Variants in DNAH17 observed in about 807,000 individuals in gnomAD.
DNAH17 encodes the protein axonemal beta dynein heavy chain 17.
DNAH17 carries 376 observed loss-of-function variants against 485.6 expected under a neutral mutation model. The observed-to-expected ratio is 0.77, with a 90% confidence interval of 0.71 to 0.84. The LOEUF is 0.84. DNAH17 is among the 40% of genes least tolerant of loss of function. The pLI, the probability that DNAH17 is intolerant of heterozygous loss-of-function variation, is 0.00. For missense variants in DNAH17, 6,370 were observed against 5,839.3 expected (o/e 1.09, Z -2.96); for synonymous variants, 3,031 against 2,405.9 (o/e 1.26, Z -7.60).
chr17:78,461,071 C>A (rs556970243), intron 58 of DNAH17, among the ~76,000 whole-genome samples: 1 of 151,978 alleles, frequency 6.6e-6, no homozygotes, highest in East Asian at 1.9e-4. Flanking sequence ...CCTCAGCCAC[C>A]CCCAACCAGC....
chr17:78,529,533 G>A lies in DNAH17; in HGVS notation c.3446C>T (p.Thr1149Ile). Residue 1149 changes from threonine to isoleucine, a missense_variant, in exon 22 of 81, where the codon ACC becomes ATC. Physicochemically the swap from Thr to Ile is moderately conservative, Grantham distance 89. Coordinates refer to ENST00000389840, the MANE Select transcript of DNAH17 (RefSeq NM_173628.4). ...TDNMFEPLKQ[T>I]IELLKTYGEE... ...CCCGTAGGTCTTGAGCAGCTCGATGGTTTGCTTCAGGGGCTCAAACATGTT... is the reference window on the plus strand; with the variant it reads ...CCCGTAGGTCTTGAGCAGCTCGATGATTTGCTTCAGGGGCTCAAACATGTT... The A allele has an allele frequency of 1.2e-6, 2 of 1,613,900 alleles. No homozygotes were observed. The highest frequency in any genetic ancestry group is 1.7e-6 in the Non-Finnish European group (2 of 1,179,870).
chr17:78,544,165 C>T, intron 16 of DNAH17, among the ~76,000 whole-genome samples, 168 bp from the exon 17 acceptor site: 1 of 152,212 alleles, frequency 6.6e-6, no homozygotes, highest in Non-Finnish European at 1.5e-5. Flanking sequence ...GGACCTGTGC[C>T]TAATTGACTG....
intron 60 of DNAH17, 137 bp from the exon 61 acceptor site, chr17:78,459,345 C>G: frequency 2.4e-6 from 2 of 821,850 alleles, no homozygotes; most frequent in South Asian, 3.0e-5. Context: ...CAGGCTGGCC[C>G]TAGAGGCCAC....
At chr17:78,432,191 TAAATAAATAAATA>T (rs2086698459) in intron 75 of DNAH17, among the ~76,000 whole-genome samples, 1 of 147,186 alleles carries the variant, frequency 6.8e-6, no homozygotes, top group Non-Finnish European at 1.5e-5. Context: ...AATAAATAAA[TAAATAAATAAATA>T]AAATAAATAA....
At chr17:78,503,466 T>TGA (rs1207694239) in intron 31 of DNAH17, among the ~76,000 whole-genome samples, 1 of 151,302 alleles carries the variant, frequency 6.6e-6, no homozygotes, top group African/African-American at 2.4e-5. Context: ...ATTACAGGCA[T>TGA]GAGCCACCAC....
rs762230436 is a variant in DNAH17 at position 78,453,309 on chromosome 17, CCTGGCTCAAGCCACG to C, written c.10529+19_10529+33del. The C allele has an allele frequency of 3.7e-6, 6 of 1,607,894 alleles. No individual in the cohort carries two copies. In the South Asian group the frequency reaches 6.7e-5, roughly 18 times the overall value. On this transcript the variant is annotated intron_variant, in intron 65 of 80. Transcript: ENST00000389840. The stretch of plus-strand genomic sequence containing the variant: ...CAGGCCTCGGGCCTGAAGATGTTTA[CCTGGCTCAAGCCACG>C]GAGGCGGAAACAACTCACTTTCCCT...
Position 78,443,311 on chromosome 17 carries a change from C to A in DNAH17, c.11528+1293G>T, listed in dbSNP as rs544437660. On this transcript the variant is annotated intron_variant, in intron 71 of 80. Transcript: ENST00000389840. ...TGATCCCGCTGCGATGGCCGAGGGA[C>A]CTTTACCTTGGCCTTTCCCAAACCC... is the stretch of plus-strand genomic sequence containing the variant. Among the ~76,000 whole-genome samples, 15 of 152,314 alleles carry A rather than the reference C, an allele frequency of 9.8e-5. No individual in the cohort carries two copies. In the East Asian group the frequency reaches 2.7e-3, roughly 27 times the overall value.
At chr17:78,428,923 TTAAAAAAA>T (rs1314427656) in intron 76 of DNAH17, among the ~76,000 whole-genome samples, 190 bp downstream of exon 76, 7 of 79,150 alleles carry the variant, frequency 8.8e-5, no homozygotes, top group African/African-American at 3.0e-4. Flanking sequence ...ATTTCTTTCT[TTAAAAAAA>T]AAAAAAAAAA....
intron 74 of DNAH17, among the ~76,000 whole-genome samples, chr17:78,436,528 G>A (rs762115337): frequency 6.6e-6 from 1 of 152,098 alleles, no homozygotes; most frequent in Non-Finnish European, 1.5e-5. Flanking sequence ...ATGCTGAGGT[G>A]CCAAAAGGAG....
chr17:78,507,225 C>T (rs2090509476), intron 29 of DNAH17, 53 bp downstream of exon 29: 5 of 1,598,278 alleles, frequency 3.1e-6, no homozygotes, highest in Non-Finnish European at 4.3e-6. Context: ...AGACTTAAGA[C>T]TTAGGGAATC....
At chr17:78,510,979 G>A (rs1356347731) in intron 26 of DNAH17, among the ~76,000 whole-genome samples, 1 of 152,244 alleles carries the variant, frequency 6.6e-6, no homozygotes, top group Non-Finnish European at 1.5e-5. Context: ...TGCGGCCACA[G>A]GCCAAGGAAT....
Position 78,462,871 on chromosome 17 carries a change from C to T in DNAH17, c.9147G>A (p.Leu3049=), listed in dbSNP as rs773713112. 2.5e-6 allele frequency: 4 copies of T among 1,614,006 alleles called. No individual in the cohort carries two copies. Among genetic ancestry groups the T allele is most frequent in the Non-Finnish European group, 1.7e-6 (2 of 1,179,884 alleles). ...VAKIERLENG[L]MKLQSTASQV... is the part of the protein sequence containing the mutation. ...GGGAAGCCGTGCTCTGCAGCTTCAT[C>T]AGGCCGTTCTCCAGCCTCTCGATTT... Residue 3049 remains leucine (L), a synonymous_variant, in exon 57 of 81, where the codon CTG becomes CTA. Coordinates refer to ENST00000389840, the MANE Select transcript of DNAH17 (RefSeq NM_173628.4).
At chr17:78,515,436 G>A (rs991896518) in intron 25 of DNAH17, among the ~76,000 whole-genome samples, 1 of 152,186 alleles carries the variant, frequency 6.6e-6, no homozygotes, top group Non-Finnish European at 1.5e-5. Flanking sequence ...TTGATCCTGG[G>A]AGACAAGGGC....
At chr17:78,458,787 C>T (rs566758655) in intron 61 of DNAH17, 107 bp from the exon 62 acceptor site, 10 of 1,156,554 alleles carry the variant, frequency 8.6e-6, no homozygotes, top group Middle Eastern at 2.1e-4. Flanking sequence ...GGAAGAGGCT[C>T]CCACAAAGGC....
chr17:78,482,566 A>T (rs1274459669), intron 48 of DNAH17, among the ~76,000 whole-genome samples: 1 of 152,092 alleles, frequency 6.6e-6, no homozygotes, highest in Non-Finnish European at 1.5e-5. Context: ...TGTGCCTCTG[A>T]AACTTTTGCC....
At chr17:78,574,234 A>G (rs1320634939) in intron 2 of DNAH17, among the ~76,000 whole-genome samples, 1 of 152,184 alleles carries the variant, frequency 6.6e-6, no homozygotes, top group Non-Finnish European at 1.5e-5. Flanking sequence ...TCACGCCTAT[A>G]ATCCCAACAG....
At chr17:78,508,170 CAA>C (rs1335390738) in intron 27 of DNAH17, among the ~76,000 whole-genome samples, 1 of 152,210 alleles carries the variant, frequency 6.6e-6, no homozygotes, top group Non-Finnish European at 1.5e-5. Context: ...CTGCAATTGA[CAA>C]TTTTGAGTCA....
At chr17:78,436,009 AT>A (rs1228179378) in intron 74 of DNAH17, among the ~76,000 whole-genome samples, 1 of 152,174 alleles carries the variant, frequency 6.6e-6, no homozygotes, top group African/African-American at 2.4e-5. Context: ...CTGGTTGGGA[AT>A]TGTTAATGGG....
At chr17:78,522,436 C>A in intron 25 of DNAH17, 2 of 298,924 alleles carry the variant, frequency 6.7e-6, no homozygotes, top group South Asian at 3.1e-5. Flanking sequence ...AGGGAACAAT[C>A]TTCTGGAATG....
Sources: gnomAD v4.1 joint callset for allele counts (sites outside exome capture counted in the v4.1 genomes callset) on GRCh38, gnomAD v4.1.1 for gene constraint, MANE v1.5 for transcripts, NCBI Gene and HGNC (gene_info 2026-07-23, HGNC 2026-07-21) for gene names.